ABLIM2: variants seen among roughly 807,000 people sequenced by gnomAD.
The protein encoded by ABLIM2 is actin-binding LIM protein 2.
Under a neutral mutation model 97.7 loss-of-function variants are expected in ABLIM2, and 53 were observed. The ratio of observed to expected loss-of-function variants is 0.54; its 90% CI spans 0.44 to 0.68. ABLIM2 has a LOEUF of 0.68. Ranked by LOEUF, ABLIM2 falls within the 30% of genes least tolerant of loss-of-function variation. The pLI is 0.00. For missense variants in ABLIM2, 835 were observed against 867.2 expected (o/e 0.96, Z 0.47); for synonymous variants, 361 against 345.8 (o/e 1.04, Z -0.49).
chr4:8,008,902 TGGAA>T lies in ABLIM2; in HGVS notation c.1476+144_1476+147del, dbSNP rs370577214. On this transcript the variant is annotated intron_variant, in intron 15 of 20. Transcript: ENST00000447017. ...ATCCTAAATGTAGGAAGGAAACTGA[TGGAA>T]GGGCCTCCTACCTTTGGCCTCGCAG... 1.1e-4 allele frequency: 92 copies of T among 826,232 alleles called. 1 individual carries two copies. In the African/African-American group the frequency reaches 1.2e-3, roughly 11 times the overall value. The allele number at this position is 826,232 out of a possible 1,614,324, so 51.2% of individuals were successfully genotyped here. A position where few individuals can be genotyped will look rare whatever the true frequency, so the allele number is the denominator to read the frequency against.
chr4:8,007,138 T>G, intron 16 of ABLIM2: 2 of 985,450 alleles, frequency 2.0e-6, no homozygotes, highest in Non-Finnish European at 2.4e-6. Flanking sequence ...TAGGACGGTT[T>G]ACAGTTTGCA....
intron 12 of ABLIM2, among the ~76,000 whole-genome samples, chr4:8,025,690 G>A (rs1017319349): frequency 2.6e-5 from 4 of 152,178 alleles, no homozygotes; most frequent in African/African-American, 9.7e-5. Context: ...CACAGAGGCT[G>A]CTCACAGGGG....
intron 6 of ABLIM2, among the ~76,000 whole-genome samples, chr4:8,070,513 T>C (rs1250668380): frequency 6.6e-6 from 1 of 152,150 alleles, no homozygotes; most frequent in African/African-American, 2.4e-5. Flanking sequence ...ACGGTTTGTT[T>C]TCTCCCAGTG....
Position 7,970,392 on chromosome 4 carries a change from G to A in ABLIM2, c.1825-3289C>T, listed in dbSNP as rs890337337. ...GGTGTGCCCCCTGCCATCTGCAATC[G>A]TGTACTTAAAGGGAGGAGGACTGGT... is the stretch of plus-strand genomic sequence containing the variant. On this transcript the variant is annotated intron_variant, in intron 20 of 20. Coordinates refer to ENST00000447017, the MANE Select transcript of ABLIM2 (RefSeq NM_001130083.2). The surrounding 1 kb of genome is among the most constrained non-coding windows in gnomAD (Gnocchi z 5.3). Among the ~76,000 whole-genome samples, 10 of 152,072 alleles carry A rather than the reference G, an allele frequency of 6.6e-5. No homozygotes were observed. The highest frequency in any genetic ancestry group is 2.2e-4 in the African/African-American group (9 of 41,428).
rs1800594285 is a variant in ABLIM2 at position 8,058,243 on chromosome 4, C to A, written c.763+2724G>T. 6.6e-6 allele frequency among the ~76,000 whole-genome samples: 1 copy of A among 152,238 alleles called. No individual in the cohort carries two copies. Among genetic ancestry groups the A allele is most frequent in the African/African-American group, 2.4e-5 (1 of 41,462 alleles). On this transcript the variant is annotated intron_variant, in intron 7 of 20. Coordinates refer to ENST00000447017, the MANE Select transcript of ABLIM2 (RefSeq NM_001130083.2). This position sits in a 1 kb window ranked among gnomAD's most constrained non-coding sequence, Gnocchi z 4.2. The stretch of plus-strand genomic sequence containing the variant: ...CAGAGCAAGGCCCCTGCCCAGACAG[C>A]CTGGCACTGCTGGGACGGTCCCAAA...
chr4:8,113,228 G>A lies in ABLIM2; in HGVS notation c.11-6591C>T, dbSNP rs1841234386. 6.6e-6 allele frequency among the ~76,000 whole-genome samples: 1 copy of A among 152,096 alleles called. No homozygotes were observed. Among genetic ancestry groups the A allele is most frequent in the Non-Finnish European group, 1.5e-5 (1 of 68,022 alleles). On this transcript the variant is annotated intron_variant, in intron 1 of 20. Transcript: ENST00000447017. This position sits in a 1 kb window ranked among gnomAD's most constrained non-coding sequence, Gnocchi z 4.5. ...TCCCACCTCAGCCTCCCGAGTAGCT[G>A]GGACCACAAGTGTGTGCCACCACAC...
rs191016106 is a variant in ABLIM2, at chr4:8,111,585, T to C, written c.11-4948A>G. ...GAGCACATCGGAACTCTCTGTGTCT[T>C]ATCTAGAAACCAAGAGATGCTCTGA... On this transcript the variant is annotated intron_variant, in intron 1 of 20. Coordinates refer to ENST00000447017, the MANE Select transcript of ABLIM2 (RefSeq NM_001130083.2). Among the ~76,000 whole-genome samples, 518 of 152,298 alleles carry C rather than the reference T, an allele frequency of 3.4e-3. 4 individuals carry two copies. Among genetic ancestry groups the C allele is most frequent in the African/African-American group, 0.012 (488 of 41,564 alleles).
In ABLIM2 at chr4:7,999,653, G is replaced by T. The variant is rs1328269168; in HGVS notation, c.1619-6726C>A. On this transcript the variant is annotated intron_variant, in intron 16 of 20. Transcript: ENST00000447017. This position sits in a 1 kb window ranked among gnomAD's most constrained non-coding sequence, Gnocchi z 4.4. The stretch of plus-strand genomic sequence containing the variant: ...GGAAGCAGACAGCCTTCAAGAGGCG[G>T]GGTGTGTGTAGTACAGAGAGAGACC... 6.6e-6 allele frequency among the ~76,000 whole-genome samples: 1 copy of T among 152,174 alleles called. No individual in the cohort carries two copies. Among genetic ancestry groups the T allele is most frequent in the Non-Finnish European group, 1.5e-5 (1 of 68,026 alleles).
At chr4:8,025,176 C>G (rs961566130) in intron 12 of ABLIM2, among the ~76,000 whole-genome samples, 3 of 152,214 alleles carry the variant, frequency 2.0e-5, no homozygotes, top group Non-Finnish European at 4.4e-5. Context: ...GATCCGCCCA[C>G]CTTGGCCTCC....
At chr4:8,070,966 C>A (rs1417533943) in intron 6 of ABLIM2, among the ~76,000 whole-genome samples, 2 of 152,124 alleles carry the variant, frequency 1.3e-5, no homozygotes, top group Non-Finnish European at 2.9e-5. Flanking sequence ...GAAACAGGCA[C>A]CCCCACTCCC....
At chr4:8,027,219 C>A (rs1386382588) in intron 12 of ABLIM2, among the ~76,000 whole-genome samples, 1 of 152,144 alleles carries the variant, frequency 6.6e-6, no homozygotes, top group African/African-American at 2.4e-5. Flanking sequence ...TGAGCGTGGC[C>A]GTTTCCCTGC....
intron 1 of ABLIM2, among the ~76,000 whole-genome samples, chr4:8,153,936 A>G (rs1017505652): frequency 2.0e-5 from 3 of 149,340 alleles, no homozygotes; most frequent in African/African-American, 7.4e-5. Flanking sequence ...TTTTGTCCTG[A>G]GCTGTTTTCT....
rs991542400 is a variant in ABLIM2, at chr4:8,069,978, G to A, written c.675+7650C>T. ...GTGTGCCTAAGCGTGCTGTCTGCAC[G>A]TCTTGTATGTGTATGTGATCTGTGT... On this transcript the variant is annotated intron_variant, in intron 6 of 20. Transcript: ENST00000447017. The surrounding 1 kb of genome is among the most constrained non-coding windows in gnomAD (Gnocchi z 4.2). Among the ~76,000 whole-genome samples the A allele has an allele frequency of 3.9e-5, 6 of 152,008 alleles. No homozygotes were observed. The highest frequency in any genetic ancestry group is 2.1e-4 in the South Asian group (1 of 4,808).
At position 8,007,655 on chromosome 4, in the gene ABLIM2, G is replaced by A. The variant is rs578106297; in HGVS notation, c.1618+404C>T. On this transcript the variant is annotated intron_variant, in intron 16 of 20. Transcript: ENST00000447017. ...GGATGAGTCACAGGGGACAGGGATG[G>A]TGCCCATCACCAACTCCAAGTCTGC... The A allele has an allele frequency of 1.9e-5, 19 of 1,002,608 alleles. No homozygotes were observed. The African/African-American group carries it at 2.9e-4, about 15-fold the overall frequency. The allele number at this position is 1,002,608 out of a possible 1,614,324, so 62.1% of individuals were successfully genotyped here.
chr4:8,105,431 A>G (rs1463855089), intron 2 of ABLIM2, among the ~76,000 whole-genome samples: 1 of 152,272 alleles, frequency 6.6e-6, no homozygotes, highest in Non-Finnish European at 1.5e-5. Flanking sequence ...CCTGGCGCAC[A>G]GCAGGGCCTC....
At chr4:8,007,712 C>G in intron 16 of ABLIM2, 1 of 1,066,596 alleles carries the variant, frequency 9.4e-7, no homozygotes, top group Non-Finnish European at 1.1e-6. Flanking sequence ...CATGTCTGCT[C>G]TGGAGGGAAC....
rs1778369845 is a variant in ABLIM2 at position 8,027,817 on chromosome 4, C to T, written c.1209G>A (p.Leu403=). Residue 403 remains leucine, a synonymous_variant, in exon 12 of 21, where the codon CTG becomes CTA. Transcript: ENST00000447017. ...CGGATGTAGGGCTTGGGTGTTGGGA[C>T]AGGGAGAGGCAGCTACTGGTACCCA... is the stretch of plus-strand genomic sequence containing the variant. ...VSVGTSSCLS[L]SQHPSPTSVF... 2 of 1,600,610 alleles carry T rather than the reference C, an allele frequency of 1.2e-6. No homozygotes were observed. The highest frequency in any genetic ancestry group is 4.6e-5 in the East Asian group (2 of 43,280).
At chr4:7,973,036 A>C (rs2149417943) in intron 20 of ABLIM2, among the ~76,000 whole-genome samples, 1 of 147,720 alleles carries the variant, frequency 6.8e-6, no homozygotes, top group South Asian at 2.1e-4. Context: ...ACGACAGTTC[A>C]AGAAACCACA....
At chr4:8,136,448 AG>A (rs1434506358) in intron 1 of ABLIM2, among the ~76,000 whole-genome samples, 1 of 152,252 alleles carries the variant, frequency 6.6e-6, no homozygotes, top group Non-Finnish European at 1.5e-5. Flanking sequence ...ATGTATACAT[AG>A]TACCACTGTT....
Sources: allele counts gnomAD v4.1 joint callset (sites outside exome capture counted in the v4.1 genomes callset), GRCh38; gene constraint gnomAD v4.1.1; non-coding constraint Gnocchi (gnomAD v3.1); transcripts MANE v1.5; gene names NCBI Gene and HGNC (gene_info 2026-07-23, HGNC 2026-07-21).